SGSM1: variants seen among roughly 807,000 people sequenced by gnomAD.
SGSM1 encodes RUN and TBC1 domain containing 2.
SGSM1 carries 73 observed loss-of-function variants against 133.8 expected under a neutral mutation model. That is an observed-to-expected ratio of 0.55 (90% CI 0.45 to 0.66). SGSM1 has a LOEUF of 0.66. SGSM1 is among the 30% of genes least tolerant of loss of function. The pLI, the probability that SGSM1 is intolerant of heterozygous loss-of-function variation, is 0.00. For synonymous variants in SGSM1, 563 were observed against 573.0 expected (o/e 0.98, Z 0.25); for missense variants, 1,213 against 1,448.1 (o/e 0.84, Z 2.64).
intron 21 of SGSM1, among the ~76,000 whole-genome samples, chr22:24,911,547 A>G (rs1343318787): frequency 1.3e-5 from 2 of 152,114 alleles, no homozygotes; most frequent in East Asian, 3.9e-4. Flanking sequence ...GAAACCTGAC[A>G]AACACGACCT....
rs1930013704 is a variant in SGSM1 at position 24,844,992 on chromosome 22, A to G, written c.139+20A>G. 1 of 1,612,832 alleles carries G rather than the reference A, an allele frequency of 6.2e-7. No individual in the cohort carries two copies. Among genetic ancestry groups the G allele is most frequent in the East Asian group, 2.2e-5 (1 of 44,846 alleles). Reference sequence around the variant, plus strand: ...TCTGTGGTGAGTCTGTGACCTGGGAAAGTGGCTTCTTTCTCTGTGGGCTGC... The same window carrying G: ...TCTGTGGTGAGTCTGTGACCTGGGAGAGTGGCTTCTTTCTCTGTGGGCTGC... On this transcript the variant is annotated intron_variant, in intron 3 of 24. Coordinates refer to ENST00000400358, the MANE Select transcript of SGSM1 (RefSeq NM_001098497.3).
rs147882627 is a variant in SGSM1, at chr22:24,810,415, C to T, written c.63+3931C>T. ...CAAGGTGGCCTCAGCGTGATTTCCTCCAGTTAAATCTGACCAGCTCTATCT... is the reference window on the plus strand; with the variant it reads ...CAAGGTGGCCTCAGCGTGATTTCCTTCAGTTAAATCTGACCAGCTCTATCT... On this transcript the variant is annotated intron_variant, in intron 2 of 24. Coordinates refer to ENST00000400358, the MANE Select transcript of SGSM1 (RefSeq NM_001098497.3). 2.5e-3 allele frequency among the ~76,000 whole-genome samples: 387 copies of T among 151,892 alleles called. 3 individuals carry two copies. The highest frequency in any genetic ancestry group is 0.01 in the Middle Eastern group (3 of 294).
At chr22:24,856,291 ACCTCCCAACGAC>A (rs955104488) in intron 8 of SGSM1, among the ~76,000 whole-genome samples, 4 of 151,730 alleles carry the variant, frequency 2.6e-5, no homozygotes, top group Non-Finnish European at 5.9e-5. Context: ...TAACTCTTAA[ACCTCCCAACGAC>A]CCTTTGAGGC....
chr22:24,907,273 AAAT>A (rs1267955901), intron 21 of SGSM1, among the ~76,000 whole-genome samples: 112 of 106,776 alleles, frequency 1.0e-3, no homozygotes, highest in African/African-American at 6.1e-3. Flanking sequence ...ATAAATAAAT[AAAT>A]AAATAAATAA....
intron 8 of SGSM1, 36 bp downstream of exon 8, chr22:24,855,716 G>A (rs1452897838): frequency 1.2e-6 from 2 of 1,613,758 alleles, no homozygotes; most frequent in South Asian, 1.1e-5. Flanking sequence ...CTTGCACTGA[G>A]GGTCTCACTC....
At chr22:24,864,242 C>T (rs1043842019) in intron 9 of SGSM1, among the ~76,000 whole-genome samples, 7 of 152,192 alleles carry the variant, frequency 4.6e-5, no homozygotes, top group African/African-American at 1.4e-4. Context: ...TGGTGGACAA[C>T]CAATTTACAG....
chr22:24,904,577 C>CAAAAAA (rs36019944), intron 20 of SGSM1, among the ~76,000 whole-genome samples: 4 of 115,220 alleles, frequency 3.5e-5, no homozygotes, highest in African/African-American at 1.2e-4. Context: ...GACTCCGTCT[C>CAAAAAA]AAAAAAAAAA....
intron 2 of SGSM1, among the ~76,000 whole-genome samples, chr22:24,817,631 G>A (rs371044546): frequency 9.2e-5 from 14 of 152,282 alleles, no homozygotes; most frequent in African/African-American, 2.4e-4. Context: ...GATTACAGGC[G>A]TGAGCCACCG....
Position 24,881,361 on chromosome 22 carries a change from T to G in SGSM1, c.1495+1835T>G, listed in dbSNP as rs749937363. Among the ~76,000 whole-genome samples the G allele has an allele frequency of 1.6e-4, 23 of 145,762 alleles. 1 individual carries two copies. The highest frequency in any genetic ancestry group is 2.8e-4 in the Non-Finnish European group (19 of 66,926). ...GTGGGCGGATCACGAGGTCAGGAGA[T>G]TGAAACCATCCTGGCTAACATGGTG... On this transcript the variant is annotated intron_variant, in intron 14 of 24. Transcript: ENST00000400358.
intron 2 of SGSM1, among the ~76,000 whole-genome samples, chr22:24,818,213 C>G (rs1395794992): frequency 1.3e-5 from 2 of 149,840 alleles, no homozygotes; most frequent in Non-Finnish European, 3.0e-5. Flanking sequence ...GCCTGGGCAA[C>G]AGAGCAAGAC....
At chr22:24,851,921 A>C (rs1930506121) in intron 5 of SGSM1, among the ~76,000 whole-genome samples, 1 of 152,242 alleles carries the variant, frequency 6.6e-6, no homozygotes, top group Non-Finnish European at 1.5e-5. Context: ...TTTACCTTCT[A>C]GTAATAACAT....
intron 2 of SGSM1, among the ~76,000 whole-genome samples, chr22:24,837,160 G>A (rs919699461): frequency 6.6e-6 from 1 of 152,264 alleles, no homozygotes; most frequent in African/African-American, 2.4e-5. Context: ...GGCCCCAAAT[G>A]TCTGGCTGCA....
chr22:24,893,545 T>C lies in SGSM1; in HGVS notation c.1885T>C (p.Ser629Pro). The change falls in exon 17 of 25, where the codon TCA becomes CCA. Residue 629 changes from serine to proline, a missense_variant. Ser to Pro is a moderately conservative substitution (Grantham distance 74). Transcript: ENST00000400358. ...ESHAAALAKC[S>P]SGASLDSHLH... ...CCATGCGGCCGCCCTGGCCAAATGC[T>C]CATCCGGGGCCAGCTTGGACAGCCA... 6.2e-7 allele frequency: 1 copy of C among 1,607,714 alleles called. No individual in the cohort carries two copies. Among genetic ancestry groups the C allele is most frequent in the Non-Finnish European group, 8.5e-7 (1 of 1,177,212 alleles).
At chr22:24,900,456 A>AT (rs1419369767) in intron 19 of SGSM1, among the ~76,000 whole-genome samples, 1 of 148,588 alleles carries the variant, frequency 6.7e-6, no homozygotes, top group Non-Finnish European at 1.5e-5. Flanking sequence ...CTGGAGTGCA[A>AT]TGGCGTGATC....
chr22:24,850,192 A>C, intron 4 of SGSM1, 88 bp from the exon 5 acceptor site: 1 of 1,312,828 alleles, frequency 7.6e-7, no homozygotes, highest in Non-Finnish European at 1.0e-6. Context: ...CATTTTCCTG[A>C]GAGATTGAAC....
intron 2 of SGSM1, among the ~76,000 whole-genome samples, chr22:24,820,589 T>C (rs140749867): frequency 2.6e-4 from 39 of 152,334 alleles, no homozygotes; most frequent in African/African-American, 7.9e-4. Context: ...CACTGCCACC[T>C]ATCCCATGGC....
rs1220410410 is a variant in SGSM1 at position 24,816,962 on chromosome 22, T to G, written c.63+10478T>G. Among the ~76,000 whole-genome samples the G allele has an allele frequency of 5.9e-5, 9 of 152,174 alleles. No individual in the cohort carries two copies. In the East Asian group the frequency reaches 7.7e-4, roughly 13 times the overall value. On this transcript the variant is annotated intron_variant, in intron 2 of 24. Coordinates refer to ENST00000400358, the MANE Select transcript of SGSM1 (RefSeq NM_001098497.3). Reference sequence around the variant, plus strand: ...ACTGGACCACTGTGGGTCACTTGCTTCTTTTGTGCCAGTCACAGTGGGATG... The same window carrying G: ...ACTGGACCACTGTGGGTCACTTGCTGCTTTTGTGCCAGTCACAGTGGGATG...
intron 20 of SGSM1, 105 bp downstream of exon 20, chr22:24,902,062 A>T: frequency 8.3e-7 from 1 of 1,205,818 alleles, no homozygotes; most frequent in South Asian, 1.5e-5. Context: ...TGAAGCTGGC[A>T]TCATACTCAC....
rs182744149 is a variant in SGSM1 at position 24,866,025 on chromosome 22, C to T, written c.927-1068C>T. Among the ~76,000 whole-genome samples the T allele has an allele frequency of 2.0e-5, 3 of 152,258 alleles. No individual in the cohort carries two copies. The East Asian group carries it at 5.8e-4, about 29-fold the overall frequency. Reference sequence around the variant, plus strand: ...TCTGAAGTTAATCCGCTCTGCTCCCCTCAGCAAGGTCTTCTGAAGGAGATG... The same window carrying T: ...TCTGAAGTTAATCCGCTCTGCTCCCTTCAGCAAGGTCTTCTGAAGGAGATG... On this transcript the variant is annotated intron_variant, in intron 9 of 24. Coordinates refer to ENST00000400358, the MANE Select transcript of SGSM1 (RefSeq NM_001098497.3).
Sources: gnomAD v4.1 joint callset for allele counts (sites outside exome capture counted in the v4.1 genomes callset) on GRCh38, gnomAD v4.1.1 for gene constraint, MANE v1.5 for transcripts, NCBI Gene and HGNC (gene_info 2026-07-23, HGNC 2026-07-21) for gene names.